Variants in NFIA observed in about 807,000 individuals in gnomAD.
NFIA encodes nuclear factor I A.
In NFIA, 8 loss-of-function variants were observed where a neutral mutation model predicts 62.8. The observed-to-expected ratio is 0.13, with a 90% CI of 0.07 to 0.23. NFIA has a LOEUF of 0.23. NFIA is among the 10% of genes least tolerant of loss of function. The probability of loss-of-function intolerance (pLI) is 1.00; values close to 1 mark genes in which losing one functional copy is unlikely to be tolerated. For synonymous variants in NFIA, 235 were observed against 238.1 expected (o/e 0.99, Z 0.12); for missense variants, 410 against 642.1 (o/e 0.64, Z 3.91).
rs1291434311 is a variant in NFIA at position 61,462,456 on chromosome 1, GA to G, written c.*7139del. The G allele has an allele frequency of 1.3e-5, 2 of 152,198 alleles. No individual in the cohort carries two copies. The highest frequency in any genetic ancestry group is 2.9e-5 in the Non-Finnish European group (2 of 68,054). 9.4% of individuals were successfully genotyped at this position (152,198 alleles called of 1,614,324 possible). On this transcript the variant is annotated 3_prime_UTR_variant, in exon 11 of 11. Transcript: ENST00000403491. ...CCAGTGATGGTAAGAGATCTGTTAT[GA>G]AACGAAACACCCCCCGTGTTAATAA...
chr1:61,275,260 T>C (rs1163164056), intron 2 of NFIA, among the ~76,000 whole-genome samples: 1 of 152,150 alleles, frequency 6.6e-6, no homozygotes, highest in East Asian at 1.9e-4. Flanking sequence ...TTTTAAACTT[T>C]CTTTGGACAT....
chr1:61,195,045 C>T (rs894941873), intron 2 of NFIA, among the ~76,000 whole-genome samples: 3 of 137,002 alleles, frequency 2.2e-5, no homozygotes, highest in Admixed American at 2.2e-4. Context: ...TTGCTTCTTT[C>T]TCTCACCACC....
chr1:61,340,341 A>G (rs1474580715), intron 4 of NFIA, among the ~76,000 whole-genome samples: 2 of 152,240 alleles, frequency 1.3e-5, no homozygotes, highest in Non-Finnish European at 2.9e-5. Flanking sequence ...ATGATATTGT[A>G]AAACAGTACA....
At chr1:61,414,961 C>G (rs994410671) in intron 9 of NFIA, among the ~76,000 whole-genome samples, 1 of 152,168 alleles carries the variant, frequency 6.6e-6, no homozygotes, top group South Asian at 2.1e-4. Context: ...CTCACCTACT[C>G]TTAGTTTAAA....
At chr1:61,148,244 G>C (rs1184183103) in intron 2 of NFIA, among the ~76,000 whole-genome samples, 2 of 152,062 alleles carry the variant, frequency 1.3e-5, no homozygotes, top group African/African-American at 4.8e-5. Context: ...TAAAAATCCT[G>C]GTCCCTGCGT....
intron 2 of NFIA, among the ~76,000 whole-genome samples, chr1:61,108,092 T>A (rs1646635051): frequency 6.6e-6 from 1 of 151,732 alleles, no homozygotes; most frequent in Admixed American, 6.6e-5. Flanking sequence ...TTCACACCTC[T>A]TTTTGAAATA....
chr1:61,335,833 A>T (rs962404753), intron 4 of NFIA, among the ~76,000 whole-genome samples: 8 of 151,180 alleles, frequency 5.3e-5, no homozygotes, highest in Admixed American at 4.6e-4. Context: ...CAAGGGCGAG[A>T]CTCCATCTCA....
chr1:61,091,001 T>C (rs1434144320), intron 2 of NFIA, among the ~76,000 whole-genome samples: 1 of 152,210 alleles, frequency 6.6e-6, no homozygotes, highest in Non-Finnish European at 1.5e-5. Context: ...TACTGAAGAT[T>C]TGTAAACACT....
At chr1:61,318,027 A>C (rs1258078102) in intron 3 of NFIA, among the ~76,000 whole-genome samples, 1 of 152,156 alleles carries the variant, frequency 6.6e-6, no homozygotes, top group African/African-American at 2.4e-5. Flanking sequence ...TATCTTGGAA[A>C]TATGATTTTT....
Position 61,426,499 on chromosome 1 carries a change from A to G in NFIA, c.1455A>G (p.Arg485=). 6.4e-7 allele frequency: 1 copy of G among 1,551,882 alleles called. No homozygotes were observed. The highest frequency in any genetic ancestry group is 8.7e-7 in the Non-Finnish European group (1 of 1,147,002). ...YSTPSTSPAN[R]FVSVGPRDPS... Reference sequence around the variant, plus strand: ...CACCCAGCACCTCCCCCGCAAACCGATTCGTCAGTGTTGGACCACGGGATC... The same window carrying G: ...CACCCAGCACCTCCCCCGCAAACCGGTTCGTCAGTGTTGGACCACGGGATC... Residue 485 remains arginine, a synonymous_variant, in exon 10 of 11, where the codon CGA becomes CGG. Transcript: ENST00000403491.
At chr1:61,378,680 G>A (rs1013457196) in intron 6 of NFIA, among the ~76,000 whole-genome samples, 6 of 152,162 alleles carry the variant, frequency 3.9e-5, no homozygotes, top group African/African-American at 1.4e-4. Flanking sequence ...CTTCTGCTTA[G>A]GTCATACAAG....
intron 2 of NFIA, among the ~76,000 whole-genome samples, chr1:61,195,395 C>T (rs1651924086): frequency 1.3e-5 from 2 of 152,092 alleles, no homozygotes; most frequent in East Asian, 3.9e-4. Flanking sequence ...AGTCTTTCAC[C>T]TAAACCTTAA....
At position 61,438,579 on chromosome 1, in the gene NFIA, A is replaced by G. The variant is rs77622246; in HGVS notation, c.1512+12023A>G. On this transcript the variant is annotated intron_variant, in intron 10 of 10. Transcript: ENST00000403491. Reference sequence around the variant, plus strand: ...TTACCCAGTGGAATGATATTTATGTATTAAGATCATACTTAGCATACTCCC... The same window carrying G: ...TTACCCAGTGGAATGATATTTATGTGTTAAGATCATACTTAGCATACTCCC... Among the ~76,000 whole-genome samples, 1,330 of 152,322 alleles carry G rather than the reference A, an allele frequency of 8.7e-3. 16 individuals carry two copies. Among genetic ancestry groups the G allele is most frequent in the African/African-American group, 0.031 (1,274 of 41,578 alleles).
chr1:61,194,745 G>T (rs562271674), intron 2 of NFIA, among the ~76,000 whole-genome samples: 2 of 152,254 alleles, frequency 1.3e-5, no homozygotes, highest in African/African-American at 4.8e-5. Flanking sequence ...TCTGAACTCA[G>T]TGCCCTTCCC....
intron 2 of NFIA, among the ~76,000 whole-genome samples, chr1:61,186,545 C>T (rs1033104244): frequency 6.6e-6 from 1 of 152,148 alleles, no homozygotes; most frequent in African/African-American, 2.4e-5. Context: ...ACCTACCATA[C>T]ATTGTGCCAA....
chr1:61,359,130 C>A lies in NFIA; in HGVS notation c.819-17C>A. 1.2e-6 allele frequency: 2 copies of A among 1,612,446 alleles called. No individual in the cohort carries two copies. The highest frequency in any genetic ancestry group is 1.7e-6 in the Non-Finnish European group (2 of 1,179,412). On this transcript the variant is annotated splice_polypyrimidine_tract_variant and intron_variant, in intron 5 of 10. Coordinates refer to ENST00000403491, the MANE Select transcript of NFIA (RefSeq NM_001134673.4). ...GGTTGCGATTGCTTTTAAACATGCA[C>A]CCATTTGTTATTTCAGCTCCACAAA...
chr1:61,175,048 C>T (rs1247358270), intron 2 of NFIA, among the ~76,000 whole-genome samples: 3 of 152,098 alleles, frequency 2.0e-5, no homozygotes, highest in African/African-American at 7.2e-5. Context: ...AAACACATCT[C>T]AAACCTTGGC....
chr1:61,268,621 G>T (rs897567106), intron 2 of NFIA, among the ~76,000 whole-genome samples: 1 of 152,148 alleles, frequency 6.6e-6, no homozygotes, highest in African/African-American at 2.4e-5. Flanking sequence ...TAAAAGGAAA[G>T]CTGTGTTTTC....
chr1:61,238,024 A>G (rs561570515), intron 2 of NFIA, among the ~76,000 whole-genome samples: 1 of 152,344 alleles, frequency 6.6e-6, no homozygotes, highest in African/African-American at 2.4e-5. Flanking sequence ...GTGGTCATGC[A>G]TTTCACAAAT....
Sources: allele counts gnomAD v4.1 joint callset (sites outside exome capture counted in the v4.1 genomes callset), GRCh38; gene constraint gnomAD v4.1.1; transcripts MANE v1.5; gene names NCBI Gene and HGNC (gene_info 2026-07-23, HGNC 2026-07-21).